The following SLIT2 variants were observed in gnomAD, a reference collection of about 807,000 sequenced individuals.
The protein encoded by SLIT2 is slit homolog 2 protein.
Under a neutral mutation model 185.7 loss-of-function variants are expected in SLIT2, and 41 were observed. The ratio of observed to expected loss-of-function variants is 0.22; its 90% confidence interval spans 0.17 to 0.29. The LOEUF (loss-of-function observed/expected upper bound fraction) is 0.29, where lower values mean the gene tolerates loss of function less well. Ranked by LOEUF, SLIT2 falls within the 10% of genes least tolerant of loss-of-function variation. The pLI is 1.00. For synonymous variants in SLIT2, 693 were observed against 680.2 expected (o/e 1.02, Z -0.29); for missense variants, 1,571 against 1,909.0 (o/e 0.82, Z 3.30).
At chr4:20,616,234 G>A (rs959016771) in intron 34 of SLIT2, 2 of 152,214 alleles carry the variant, frequency 1.3e-5, no homozygotes, top group African/African-American at 2.4e-5. Context: ...CAAGCTTAGG[G>A]ACGTTGCCAG....
intron 4 of SLIT2, among the ~76,000 whole-genome samples, chr4:20,465,350 A>G (rs1374739676): frequency 6.6e-6 from 1 of 152,208 alleles, no homozygotes; most frequent in Non-Finnish European, 1.5e-5. Context: ...TAAAGGAAAT[A>G]AGAGTTTAAG....
rs1719038397 is a variant in SLIT2 at position 20,321,094 on chromosome 4, T to C, written c.395+52213T>C. On this transcript the variant is annotated intron_variant, in intron 4 of 36. Coordinates refer to ENST00000504154, the MANE Select transcript of SLIT2 (RefSeq NM_004787.4). ...GTGAGACTAGATTGCGCCACTGCACTGTAGCCTGGGCGACAGAGCAAGACT... is the reference window on the plus strand; with the variant it reads ...GTGAGACTAGATTGCGCCACTGCACCGTAGCCTGGGCGACAGAGCAAGACT... Among the ~76,000 whole-genome samples, 2 of 152,134 alleles carry C rather than the reference T, an allele frequency of 1.3e-5. 1 individual carries two copies. Among genetic ancestry groups the C allele is most frequent in the South Asian group, 4.1e-4 (2 of 4,830 alleles).
chr4:20,309,130 A>G (rs772334152), intron 4 of SLIT2, among the ~76,000 whole-genome samples: 4 of 152,130 alleles, frequency 2.6e-5, no homozygotes, highest in Admixed American at 2.0e-4. Flanking sequence ...CAATTTAACA[A>G]TGATACTGTT....
At chr4:20,418,179 C>T (rs538477858) in intron 4 of SLIT2, among the ~76,000 whole-genome samples, 5 of 152,186 alleles carry the variant, frequency 3.3e-5, no homozygotes, top group Admixed American at 1.3e-4. Context: ...ATTTTAAAAC[C>T]GCTTATCTGA....
intron 4 of SLIT2, among the ~76,000 whole-genome samples, chr4:20,458,063 C>T (rs1257180225): frequency 6.9e-6 from 1 of 145,762 alleles, no homozygotes; most frequent in Non-Finnish European, 1.5e-5. Flanking sequence ...TTACCTGTTC[C>T]AGACCTGTCC....
chr4:20,314,735 A>G (rs988921974), intron 4 of SLIT2, among the ~76,000 whole-genome samples: 2 of 152,128 alleles, frequency 1.3e-5, no homozygotes, highest in African/African-American at 4.8e-5. Flanking sequence ...GACAAACAAT[A>G]TAAGGGAAAT....
chr4:20,319,884 T>A (rs1454360901), intron 4 of SLIT2, among the ~76,000 whole-genome samples: 1 of 151,962 alleles, frequency 6.6e-6, no homozygotes, highest in Non-Finnish European at 1.5e-5. Context: ...TAGCCCTGGT[T>A]TGGAATGCAT....
intron 4 of SLIT2, among the ~76,000 whole-genome samples, chr4:20,400,915 C>A (rs970137829): frequency 6.6e-6 from 1 of 151,790 alleles, no homozygotes; most frequent in Admixed American, 6.6e-5. Flanking sequence ...AAATTTTATA[C>A]AGATATAACT....
intron 4 of SLIT2, among the ~76,000 whole-genome samples, chr4:20,305,771 G>T (rs1363064663): frequency 6.6e-6 from 1 of 151,688 alleles, no homozygotes; most frequent in Non-Finnish European, 1.5e-5. Context: ...TACTTGGGAG[G>T]CCGAGGCAGG....
chr4:20,373,184 TA>T (rs1352363723), intron 4 of SLIT2, among the ~76,000 whole-genome samples: 1 of 152,064 alleles, frequency 6.6e-6, no homozygotes, highest in East Asian at 1.9e-4. Context: ...GCTTAGAACT[TA>T]TTGGAAGAAA....
chr4:20,309,418 T>C (rs962217359), intron 4 of SLIT2, among the ~76,000 whole-genome samples: 1 of 152,090 alleles, frequency 6.6e-6, no homozygotes, highest in Non-Finnish European at 1.5e-5. Flanking sequence ...TTTCTTCTTT[T>C]ATAGCATCCC....
intron 4 of SLIT2, among the ~76,000 whole-genome samples, chr4:20,354,902 TGTGTGAGAGAGAGAGAGAGA>T (rs1196798891): frequency 1.9e-5 from 2 of 106,420 alleles, no homozygotes; most frequent in Admixed American, 9.8e-5. Flanking sequence ...TGTGTGTGTG[TGTGTGAGAGAGAGAGAGAGA>T]GAGAGAGAGA....
rs1301296178 is a variant in SLIT2 at position 20,252,460 on chromosome 4, A to G, written c.-1356A>G. 6.6e-6 allele frequency among the ~76,000 whole-genome samples: 1 copy of G among 152,212 alleles called. No homozygotes were observed. Among genetic ancestry groups the G allele is most frequent in the African/African-American group, 2.4e-5 (1 of 41,472 alleles). Reference sequence around the variant, plus strand: ...CGGCCGCCGCGTCAGGTGCAGCGCCAGGAGCCGGGCGGCGTCGCCACGCCG... The same window carrying G: ...CGGCCGCCGCGTCAGGTGCAGCGCCGGGAGCCGGGCGGCGTCGCCACGCCG... On this transcript the variant is annotated 5_prime_UTR_variant, in exon 1 of 37. Transcript: ENST00000504154.
At position 20,606,914 on chromosome 4, in the gene SLIT2, G is replaced by T. The variant is rs76755273; in HGVS notation, c.3693-3099G>T. On this transcript the variant is annotated intron_variant, in intron 33 of 36. Coordinates refer to ENST00000504154, the MANE Select transcript of SLIT2 (RefSeq NM_004787.4). ...AAGCTTGTTAGTGGTGAAAACACACGCCATTTGTCTAGGAATAGGTATTCC... is the reference window on the plus strand; with the variant it reads ...AAGCTTGTTAGTGGTGAAAACACACTCCATTTGTCTAGGAATAGGTATTCC... 5.0e-3 allele frequency among the ~76,000 whole-genome samples: 757 copies of T among 152,206 alleles called. 12 individuals carry two copies. The highest frequency in any genetic ancestry group is 0.017 in the African/African-American group (716 of 41,520).
At chr4:20,598,570 T>C (rs1323809860) in intron 33 of SLIT2, among the ~76,000 whole-genome samples, 175 bp downstream of exon 33, 2 of 151,314 alleles carry the variant, frequency 1.3e-5, no homozygotes, top group Non-Finnish European at 2.9e-5. Flanking sequence ...AACTGGAGAG[T>C]GTGAGGAGGG....
At chr4:20,429,344 T>A (rs1431728206) in intron 4 of SLIT2, among the ~76,000 whole-genome samples, 2 of 152,196 alleles carry the variant, frequency 1.3e-5, no homozygotes, top group African/African-American at 2.4e-5. Flanking sequence ...ATTTAAGTCC[T>A]TATTCTATAT....
intron 12 of SLIT2, among the ~76,000 whole-genome samples, chr4:20,521,804 A>T (rs1720865102): frequency 6.6e-6 from 1 of 151,764 alleles, no homozygotes; most frequent in South Asian, 2.1e-4. Context: ...TAGCACCTTT[A>T]AAAAAAAATC....
intron 9 of SLIT2, among the ~76,000 whole-genome samples, chr4:20,494,803 A>G (rs1371542242): frequency 2.6e-5 from 4 of 152,020 alleles, no homozygotes; most frequent in Admixed American, 2.6e-4. Flanking sequence ...GTACTAAAAT[A>G]ATACAGACTA....
At chr4:20,479,701 A>G (rs562908210) in intron 5 of SLIT2, among the ~76,000 whole-genome samples, 2 of 152,262 alleles carry the variant, frequency 1.3e-5, no homozygotes, top group Admixed American at 6.5e-5. Flanking sequence ...AGAAGGCTCA[A>G]TATGAACAAG....
Sources: allele counts gnomAD v4.1 joint callset (sites outside exome capture counted in the v4.1 genomes callset), GRCh38; gene constraint gnomAD v4.1.1; transcripts MANE v1.5; gene names NCBI Gene and HGNC (gene_info 2026-07-23, HGNC 2026-07-21).